NBEAL2: variants seen among roughly 807,000 people sequenced by gnomAD.
NBEAL2 encodes neurobeachin-like protein 2.
In NBEAL2, 160 loss-of-function variants were observed where a neutral mutation model predicts 299.8. That is an observed-to-expected ratio of 0.53 (90% CI 0.47 to 0.61). The LOEUF (loss-of-function observed/expected upper bound fraction) is 0.61, where lower values mean the gene tolerates loss of function less well. Ranked by LOEUF, NBEAL2 falls within the 20% of genes least tolerant of loss-of-function variation. The pLI, the probability that NBEAL2 is intolerant of heterozygous loss-of-function variation, is 0.00. For synonymous variants in NBEAL2, 1,493 were observed against 1,542.3 expected (o/e 0.97, Z 0.75); for missense variants, 3,112 against 3,649.0 (o/e 0.85, Z 3.79).
At chr3:46,990,933 A>G (rs2036036558) in intron 6 of NBEAL2, among the ~76,000 whole-genome samples, 1 of 152,086 alleles carries the variant, frequency 6.6e-6, no homozygotes, top group South Asian at 2.1e-4. Context: ...TGGGGCCCTC[A>G]CTTTGGGGCT....
At position 46,989,293 on chromosome 3, in the gene NBEAL2, A is replaced by G; in HGVS notation, c.385A>G (p.Thr129Ala). The change falls in exon 5 of 54, where the codon ACG becomes GCG. Residue 129 changes from threonine (T) to alanine (A), a missense_variant. Physicochemically the swap from Thr to Ala is moderately conservative, Grantham distance 58. Coordinates refer to ENST00000450053, the MANE Select transcript of NBEAL2 (RefSeq NM_015175.3). The surrounding 1 kb of genome is among the most constrained non-coding windows in gnomAD (Gnocchi z 5.5). Reference protein sequence around the residue: ...KGCPPPQGRGTQLENVALHAL... With the variant: ...KGCPPPQGRGAQLENVALHAL... ...ATGCCCACCACCCCAGGGCCGAGGC[A>G]CGCAGTTGGAGAATGTGGCCCTACA... is the stretch of plus-strand genomic sequence containing the variant. 1 of 1,608,742 alleles carries G rather than the reference A, an allele frequency of 6.2e-7. No individual in the cohort carries two copies. Among genetic ancestry groups the G allele is most frequent in the Non-Finnish European group, 8.5e-7 (1 of 1,177,534 alleles).
chr3:46,996,681 G>T, intron 16 of NBEAL2, 70 bp from the exon 17 acceptor site: 1 of 1,563,202 alleles, frequency 6.4e-7, no homozygotes, highest in Non-Finnish European at 8.7e-7. Flanking sequence ...CTCTCCTGTG[G>T]TCAGGCAGTC....
At chr3:46,981,659 G>A (rs1204654347) in intron 1 of NBEAL2, among the ~76,000 whole-genome samples, 2 of 152,084 alleles carry the variant, frequency 1.3e-5, no homozygotes, top group African/African-American at 2.4e-5. Flanking sequence ...CTCCTTCCTC[G>A]GACTGCCCCA....
rs1302896523 is a variant in NBEAL2, at chr3:46,988,080, A to G, written c.52-589A>G. 3 of 1,230,258 alleles carry G rather than the reference A, an allele frequency of 2.4e-6. No homozygotes were observed. The highest frequency in any genetic ancestry group is 3.0e-5 in the Admixed American group (1 of 33,394). The allele number at this position is 1,230,258 out of a possible 1,614,324, so 76.2% of individuals were successfully genotyped here. A position where few individuals can be genotyped will look rare whatever the true frequency, so the allele number is the denominator to read the frequency against. On this transcript the variant is annotated intron_variant, in intron 1 of 53. Transcript: ENST00000450053. This position sits in a 1 kb window ranked among gnomAD's most constrained non-coding sequence, Gnocchi z 4.4. Reference sequence around the variant, plus strand: ...CAGCTCTGGGGCCTGGGGTCCAGGTAACCAGCAAGGGTGGGTGGAGGTTCC... The same window carrying G: ...CAGCTCTGGGGCCTGGGGTCCAGGTGACCAGCAAGGGTGGGTGGAGGTTCC...
chr3:47,000,361 C>G lies in NBEAL2; in HGVS notation c.4262C>G (p.Pro1421Arg), dbSNP rs545294552. 6.3e-6 allele frequency: 10 copies of G among 1,594,280 alleles called. No individual in the cohort carries two copies. The highest frequency in any genetic ancestry group is 7.7e-6 in the Non-Finnish European group (9 of 1,167,648). The change falls in exon 27 of 54, where the codon CCC (proline) becomes CGC (arginine). Residue 1421 changes from proline (P) to arginine (R), a missense_variant. Pro to Arg is a moderately radical substitution (Grantham distance 103). Transcript: ENST00000450053. This position sits in a 1 kb window ranked among gnomAD's most constrained non-coding sequence, Gnocchi z 4.5. The stretch of plus-strand genomic sequence containing the variant: ...CTGGAGGACGGCAGCCTCCCGGAGC[C>G]CACCATTAGCGGGGATGATACCTCG... The part of the protein sequence containing the change: ...NVLEDGSLPE[P>R]TISGDDTSNT...
intron 1 of NBEAL2, chr3:46,987,890 C>A (rs576279015): frequency 4.9e-5 from 31 of 637,788 alleles, no homozygotes; most frequent in East Asian, 1.4e-4. Flanking sequence ...CCGGCCCCCC[C>A]ACATCCCTGC....
chr3:47,001,322 G>C lies in NBEAL2; in HGVS notation c.4528G>C (p.Glu1510Gln). The change falls in exon 29 of 54, where the codon GAG becomes CAG. Residue 1510 changes from glutamate to glutamine, a missense_variant. Transcript: ENST00000450053. This position sits in a 1 kb window ranked among gnomAD's most constrained non-coding sequence, Gnocchi z 6.1. ...MLESALTDIK[E>Q]APVGVLASLT... ...GGAGTCAGCCCTGACCGACATCAAAGAGGCCCCCGTGGGGGTCCTGGCCAG... is the reference window on the plus strand; with the variant it reads ...GGAGTCAGCCCTGACCGACATCAAACAGGCCCCCGTGGGGGTCCTGGCCAG... 1 of 1,612,862 alleles carries C rather than the reference G, an allele frequency of 6.2e-7. No homozygotes were observed. Among genetic ancestry groups the C allele is most frequent in the Non-Finnish European group, 8.5e-7 (1 of 1,179,370 alleles).
rs1260903153 is a variant in NBEAL2, at chr3:46,989,333, G to T, written c.425G>T (p.Cys142Phe). The change falls in exon 5 of 54, where the codon TGC becomes TTC. Residue 142 changes from cysteine to phenylalanine, a missense_variant. Physicochemically the swap from Cys to Phe is radical, Grantham distance 205. Transcript: ENST00000450053. The surrounding 1 kb of genome is among the most constrained non-coding windows in gnomAD (Gnocchi z 5.5). The part of the protein sequence containing the change: ...ENVALHALLL[C>F]EGLFDPYQTW... ...GTGGCCCTACATGCTCTGCTTCTCT[G>T]CGAGGGCCTCTTTGACCCTTACCAA... The T allele has an allele frequency of 4.4e-6, 7 of 1,592,882 alleles. No individual in the cohort carries two copies. The East Asian group carries it at 1.6e-4, about 36-fold the overall frequency.
At position 46,992,570 on chromosome 3, in the gene NBEAL2, C is replaced by A. The variant is rs370576151; in HGVS notation, c.1113+15C>A. 112 of 1,581,330 alleles carry A rather than the reference C, an allele frequency of 7.1e-5. No individual in the cohort carries two copies. The African/African-American group carries it at 1.4e-3, about 19-fold the overall frequency. On this transcript the variant is annotated intron_variant, in intron 10 of 53. Transcript: ENST00000450053. Reference sequence around the variant, plus strand: ...ATGTCCAAAAGGTACCATCCTGGGGCTGACCAGCTCAGACACCCCCTGGGA... The same window carrying A: ...ATGTCCAAAAGGTACCATCCTGGGGATGACCAGCTCAGACACCCCCTGGGA...
chr3:47,008,311 G>T lies in NBEAL2; in HGVS notation c.7748G>T (p.Arg2583Leu), dbSNP rs374312429. The change falls in exon 51 of 54, where the codon CGC (arginine) becomes CTC (leucine). Residue 2583 changes from arginine (R) to leucine (L), a missense_variant. Around this residue, in one of 3 missense-constraint regions of NBEAL2, gnomAD observed 348 missense variants for 381.4 expected, o/e 0.91. Transcript: ENST00000450053. ...GGAACTGTGATCATACACACTGTAC[G>T]CCGCGGACAGTTTGTAGCGGCACTA... ...EDGTVIIHTV[R>L]RGQFVAALRP... 1.2e-6 allele frequency: 2 copies of T among 1,612,976 alleles called. No homozygotes were observed. The highest frequency in any genetic ancestry group is 2.7e-5 in the African/African-American group (2 of 74,924).
In NBEAL2 at chr3:47,001,559, C is replaced by A; in HGVS notation, c.4644+121C>A. Reference sequence around the variant, plus strand: ...AGGTGTGGGTGCATCAGCATGAATGCCTGTGAGTGTGGACTTGCCTGTGTG... The same window carrying A: ...AGGTGTGGGTGCATCAGCATGAATGACTGTGAGTGTGGACTTGCCTGTGTG... On this transcript the variant is annotated intron_variant, in intron 29 of 53. Transcript: ENST00000450053. This position sits in a 1 kb window ranked among gnomAD's most constrained non-coding sequence, Gnocchi z 6.1. 6.4e-7 allele frequency: 1 copy of A among 1,554,040 alleles called. No individual in the cohort carries two copies. The highest frequency in any genetic ancestry group is 8.7e-7 in the Non-Finnish European group (1 of 1,146,084).
chr3:46,998,639 G>A (rs1021675166), intron 22 of NBEAL2, 74 bp downstream of exon 22: 30 of 1,560,838 alleles, frequency 1.9e-5, no homozygotes, highest in South Asian at 9.4e-5. Flanking sequence ...TGGGCGGTGC[G>A]CTTCCCTGAC....
Position 47,003,373 on chromosome 3 carries a change from A to C in NBEAL2, c.5720+64A>C. The C allele has an allele frequency of 6.4e-7, 1 of 1,569,052 alleles. No homozygotes were observed. The highest frequency in any genetic ancestry group is 8.6e-7 in the Non-Finnish European group (1 of 1,156,646). On this transcript the variant is annotated intron_variant, in intron 35 of 53. Transcript: ENST00000450053. This position sits in a 1 kb window ranked among gnomAD's most constrained non-coding sequence, Gnocchi z 7.0. ...GCAAGGGGTCTGCTCCAGTGTGTGCATGCCTCTGTGGGATCAACTCCCTGA... is the reference window on the plus strand; with the variant it reads ...GCAAGGGGTCTGCTCCAGTGTGTGCCTGCCTCTGTGGGATCAACTCCCTGA...
intron 10 of NBEAL2, 77 bp downstream of exon 10, chr3:46,992,632 A>G (rs1231048373): frequency 1.8e-5 from 24 of 1,359,024 alleles, no homozygotes; most frequent in Non-Finnish European, 5.1e-6. Context: ...ATAGCTGGGG[A>G]AATGAGCAGA....
chr3:46,987,974 G>A (rs1329822177), intron 1 of NBEAL2: 2 of 1,275,654 alleles, frequency 1.6e-6, no homozygotes, highest in Non-Finnish European at 1.0e-6. Context: ...GGGGCGGGAG[G>A]AGACATTTCC....
chr3:46,992,276 G>C (rs1226612809), intron 9 of NBEAL2, among the ~76,000 whole-genome samples, 199 bp from the exon 10 acceptor site: 1 of 152,164 alleles, frequency 6.6e-6, no homozygotes, highest in East Asian at 1.9e-4. Flanking sequence ...ACTGCTTTCA[G>C]ATGCAGTGCC....
At position 46,991,272 on chromosome 3, in the gene NBEAL2, C is replaced by T. The variant is rs747550026; in HGVS notation, c.610C>T (p.His204Tyr). Residue 204 changes from histidine to tyrosine, a missense_variant, in exon 7 of 54, where the codon CAC becomes TAC. This residue lies in a region of NBEAL2 where 2,243 missense variants were observed against 2,538.1 expected (regional missense o/e 0.88). Coordinates refer to ENST00000450053, the MANE Select transcript of NBEAL2 (RefSeq NM_015175.3). The surrounding 1 kb of genome is among the most constrained non-coding windows in gnomAD (Gnocchi z 6.2). ...TCCCATACTGCTGTTACGTCTCATC[C>T]ACCTCTTCTGCGCCGTCCTCGCTGG... ...LPPILLLRLI[H>Y]LFCAVLAGGK... The T allele has an allele frequency of 1.2e-6, 2 of 1,607,280 alleles. No individual in the cohort carries two copies. The highest frequency in any genetic ancestry group is 1.1e-5 in the South Asian group (1 of 89,614).
Position 47,007,275 on chromosome 3 carries a change from A to C in NBEAL2, c.7259A>C (p.His2420Pro). 2 of 1,612,678 alleles carry C rather than the reference A, an allele frequency of 1.2e-6. No individual in the cohort carries two copies. Among genetic ancestry groups the C allele is most frequent in the Non-Finnish European group, 1.7e-6 (2 of 1,179,406 alleles). Reference protein sequence around the residue: ...TVSASGLLGTHSWLPYDRNIS... With the variant: ...TVSASGLLGTPSWLPYDRNIS... ...AGTGCCAGTGGGCTGCTGGGCACCC[A>C]CAGCTGGTTGCCCTATGACCGCAAC... is the stretch of plus-strand genomic sequence containing the variant. Residue 2420 changes from histidine to proline, a missense_variant, in exon 47 of 54, where the codon CAC becomes CCC. Physicochemically the swap from His to Pro is moderately conservative, Grantham distance 77 (BLOSUM62 -2). Coordinates refer to ENST00000450053, the MANE Select transcript of NBEAL2 (RefSeq NM_015175.3).
At chr3:47,006,998 G>A in intron 45 of NBEAL2, 68 bp from the exon 46 acceptor site, 1 of 1,291,212 alleles carries the variant, frequency 7.7e-7, no homozygotes, top group East Asian at 2.4e-5. Flanking sequence ...AAGGGATGAT[G>A]CTTCAGGGAG....
Sources: allele counts gnomAD v4.1 joint callset (sites outside exome capture counted in the v4.1 genomes callset), GRCh38; gene constraint gnomAD v4.1.1; regional missense constraint gnomAD v4.1.1; non-coding constraint Gnocchi (gnomAD v3.1); transcripts MANE v1.5; gene names NCBI Gene and HGNC (gene_info 2026-07-23, HGNC 2026-07-21).